CARS1: variants seen among roughly 807,000 people sequenced by gnomAD.
CARS1 encodes cysteine--tRNA ligase, cytoplasmic.
A neutral mutation model predicts 106.2 loss-of-function variants in CARS1; 48 were observed. The ratio of observed to expected loss-of-function variants is 0.45; its 90% confidence interval spans 0.36 to 0.57. The LOEUF (loss-of-function observed/expected upper bound fraction) is 0.57, where lower values mean the gene tolerates loss of function less well. CARS1 is among the 20% of genes least tolerant of loss of function. The pLI is 0.00. For synonymous variants in CARS1, 409 were observed against 403.4 expected (o/e 1.01, Z -0.17); for missense variants, 968 against 1,057.2 (o/e 0.92, Z 1.17).
chr11:3,010,283 G>A (rs913587069), intron 18 of CARS1, among the ~76,000 whole-genome samples: 2 of 152,188 alleles, frequency 1.3e-5, no homozygotes, highest in East Asian at 3.9e-4. Context: ...GCACAGTCTT[G>A]TATGACCCCA....
At chr11:3,026,828 C>T (rs535963317) in intron 9 of CARS1, 31 bp from the exon 10 acceptor site, 11 of 1,596,338 alleles carry the variant, frequency 6.9e-6, no homozygotes, top group African/African-American at 6.7e-5. Context: ...TGGGTGGGTG[C>T]ATCTAACAGA....
rs1406959704 is a variant in CARS1, at chr11:3,029,849, G to A, written c.802-406C>T. The A allele has an allele frequency of 1.6e-5, 3 of 185,266 alleles. No individual in the cohort carries two copies. The highest frequency in any genetic ancestry group is 1.4e-4 in the East Asian group (1 of 6,898). 11.5% of individuals were successfully genotyped at this position (185,266 alleles called of 1,614,324 possible). A position where few individuals can be genotyped will look rare whatever the true frequency, so the allele number is the denominator to read the frequency against. ...GTGCATTCAGGAAAAGATTCATGAC[G>A]GACACAGCCAGAGGTTAGGAGAGAT... On this transcript the variant is annotated intron_variant, in intron 7 of 22. Transcript: ENST00000380525. This position sits in a 1 kb window ranked among gnomAD's most constrained non-coding sequence, Gnocchi z 5.9.
At chr11:3,054,866 A>G in intron 1 of CARS1, 2 of 702,266 alleles carry the variant, frequency 2.8e-6, no homozygotes, top group Admixed American at 2.0e-5. Context: ...AAATTAAACT[A>G]TAAGTCTGAC....
At chr11:3,031,281 T>C (rs1317507840) in intron 7 of CARS1, 2 of 152,094 alleles carry the variant, frequency 1.3e-5, no homozygotes, top group African/African-American at 2.4e-5. Flanking sequence ...GAAAAGTAAT[T>C]TGAAGGGCAG....
At chr11:3,054,444 G>T (rs1049940488) in intron 1 of CARS1, among the ~76,000 whole-genome samples, 4 of 152,214 alleles carry the variant, frequency 2.6e-5, no homozygotes, top group Admixed American at 2.0e-4. Context: ...CGGAAACATG[G>T]TACCTGAGTT....
At chr11:3,002,133 C>T in intron 21 of CARS1, 80 bp from the exon 22 acceptor site, 1 of 938,484 alleles carries the variant, frequency 1.1e-6, no homozygotes, top group South Asian at 1.3e-5. Flanking sequence ...CTGCTCATAC[C>T]TCCAGCCCTC....
intron 17 of CARS1, among the ~76,000 whole-genome samples, chr11:3,012,753 T>C (rs1850605756): frequency 1.3e-5 from 2 of 152,224 alleles, no homozygotes; most frequent in South Asian, 4.1e-4. Flanking sequence ...CACATACACT[T>C]GTTTAAGATG....
rs1409371971 is a variant in CARS1, at chr11:3,003,407, C to T, written c.2218-807G>A. 6.6e-6 allele frequency among the ~76,000 whole-genome samples: 1 copy of T among 152,176 alleles called. No homozygotes were observed. The highest frequency in any genetic ancestry group is 1.5e-5 in the Non-Finnish European group (1 of 68,028). On this transcript the variant is annotated intron_variant, in intron 20 of 22. Coordinates refer to ENST00000380525, the MANE Select transcript of CARS1 (RefSeq NM_001014437.3). This position sits in a 1 kb window ranked among gnomAD's most constrained non-coding sequence, Gnocchi z 4.8. ...AACAAGTTTGGGGAGTTGAAAATCACATTTACTTTGGACAGCCTAGATATC... is the reference window on the plus strand; with the variant it reads ...AACAAGTTTGGGGAGTTGAAAATCATATTTACTTTGGACAGCCTAGATATC...
At chr11:3,018,346 A>T in intron 14 of CARS1, 62 bp downstream of exon 14, 2 of 1,101,432 alleles carry the variant, frequency 1.8e-6, no homozygotes, top group Non-Finnish European at 2.7e-6. Flanking sequence ...ACCACTGCAC[A>T]AGGTGCCCAC....
chr11:3,026,556 G>T, intron 10 of CARS1, 120 bp downstream of exon 10: 2 of 1,024,544 alleles, frequency 2.0e-6, no homozygotes, highest in Non-Finnish European at 2.8e-6. Context: ...AGGTGAAAAA[G>T]CACTGTTCCC....
intron 1 of CARS1, among the ~76,000 whole-genome samples, chr11:3,056,454 C>G (rs889519812): frequency 6.6e-6 from 1 of 152,200 alleles, no homozygotes; most frequent in Non-Finnish European, 1.5e-5. Flanking sequence ...ACTGGTCTCT[C>G]AAGGTCTACC....
At position 3,017,073 on chromosome 11, in the gene CARS1, C is replaced by G. The variant is rs1565039856; in HGVS notation, c.1917+33G>C. The G allele has an allele frequency of 6.3e-7, 1 of 1,589,596 alleles. No individual in the cohort carries two copies. Among genetic ancestry groups the G allele is most frequent in the East Asian group, 2.2e-5 (1 of 44,526 alleles). ...GGCCTGGCTCCTGTGTCCACACAGG[C>G]TGAGGGATACGCCTGCCTGGGGCCT... On this transcript the variant is annotated intron_variant, in intron 16 of 22. Transcript: ENST00000380525. The surrounding 1 kb of genome is among the most constrained non-coding windows in gnomAD (Gnocchi z 4.9).
rs201871753 is a variant in CARS1 at position 3,038,218 on chromosome 11, G to A, written c.652-19C>T. ...AAAATGGCTGCAACCATAAAGAGACGTCAAATCTATTAGATACTGCTCAGC... is the reference window on the plus strand; with the variant it reads ...AAAATGGCTGCAACCATAAAGAGACATCAAATCTATTAGATACTGCTCAGC... On this transcript the variant is annotated intron_variant, in intron 6 of 22. Transcript: ENST00000380525. The surrounding 1 kb of genome is among the most constrained non-coding windows in gnomAD (Gnocchi z 4.0). 2,227 of 1,610,230 alleles carry A rather than the reference G, an allele frequency of 1.4e-3. 3 individuals are homozygous for A. The highest frequency in any genetic ancestry group is 1.8e-3 in the Non-Finnish European group (2,101 of 1,176,764).
At chr11:3,018,948 G>C (rs1851303746) in intron 12 of CARS1, among the ~76,000 whole-genome samples, 191 bp downstream of exon 12, 1 of 152,208 alleles carries the variant, frequency 6.6e-6, no homozygotes, top group Admixed American at 6.5e-5. Context: ...AGGCTAGTCT[G>C]TTGCCAAAGG....
Position 3,046,217 on chromosome 11 carries a change from G to C in CARS1, c.274+1536C>G, listed in dbSNP as rs1364390630. Reference sequence around the variant, plus strand: ...AGCAAAACCCTTCCTTCCTCTCACAGTGTGGATGGAGGCTTGCGTCTGTGC... The same window carrying C: ...AGCAAAACCCTTCCTTCCTCTCACACTGTGGATGGAGGCTTGCGTCTGTGC... On this transcript the variant is annotated intron_variant, in intron 2 of 22. Transcript: ENST00000380525. This position sits in a 1 kb window ranked among gnomAD's most constrained non-coding sequence, Gnocchi z 5.8. Among the ~76,000 whole-genome samples the C allele has an allele frequency of 6.6e-6, 1 of 152,190 alleles. No individual in the cohort carries two copies. The highest frequency in any genetic ancestry group is 1.5e-5 in the Non-Finnish European group (1 of 68,034).
chr11:3,026,449 C>T (rs1389879303), intron 10 of CARS1, among the ~76,000 whole-genome samples: 2 of 152,180 alleles, frequency 1.3e-5, no homozygotes, highest in Admixed American at 6.5e-5. Flanking sequence ...ACATGTTCCC[C>T]ATAAATTGCA....
chr11:3,020,204 T>G lies in CARS1; in HGVS notation c.1266+16A>C. On this transcript the variant is annotated intron_variant, in intron 11 of 22. Coordinates refer to ENST00000380525, the MANE Select transcript of CARS1 (RefSeq NM_001014437.3). The surrounding 1 kb of genome is among the most constrained non-coding windows in gnomAD (Gnocchi z 4.6). The stretch of plus-strand genomic sequence containing the variant: ...GCCCCTGTCCAAGCCCCACACCTTC[T>G]AGGCCACTCGCTCACCTTTCCCCAA... The G allele has an allele frequency of 6.7e-7, 1 of 1,482,948 alleles. No homozygotes were observed. Among genetic ancestry groups the G allele is most frequent in the Non-Finnish European group, 9.4e-7 (1 of 1,060,440 alleles). 91.9% of individuals were successfully genotyped at this position (1,482,948 alleles called of 1,614,324 possible). A position where few individuals can be genotyped will look rare whatever the true frequency, so the allele number is the denominator to read the frequency against.
chr11:3,018,357 T>G (rs776070715), intron 14 of CARS1, 51 bp downstream of exon 14: 2 of 1,238,550 alleles, frequency 1.6e-6, no homozygotes, highest in African/African-American at 1.5e-5. Flanking sequence ...AGGTGCCCAC[T>G]GTGCAGGGGA....
chr11:3,024,986 C>T (rs1323222973), intron 10 of CARS1, among the ~76,000 whole-genome samples: 1 of 152,124 alleles, frequency 6.6e-6, no homozygotes, highest in Non-Finnish European at 1.5e-5. Flanking sequence ...AATTCTTGGC[C>T]TACTTGATCT....
Sources: gnomAD v4.1 joint callset for allele counts (sites outside exome capture counted in the v4.1 genomes callset) on GRCh38, gnomAD v4.1.1 for gene constraint, Gnocchi (gnomAD v3.1) non-coding constraint, MANE v1.5 for transcripts, NCBI Gene and HGNC (gene_info 2026-07-23, HGNC 2026-07-21) for gene names.